HMBOX1: variants seen among roughly 807,000 people sequenced by gnomAD.
HMBOX1 encodes homeobox-containing protein 1.
Under a neutral mutation model 54.5 loss-of-function variants are expected in HMBOX1, and 14 were observed. That is an observed-to-expected ratio of 0.26 (90% CI 0.17 to 0.40). The LOEUF (loss-of-function observed/expected upper bound fraction) is 0.40, where lower values mean the gene tolerates loss of function less well. Among genes scored for constraint, HMBOX1 ranks in the 10% least tolerant of loss-of-function variants. The pLI, the probability that HMBOX1 is intolerant of heterozygous loss-of-function variation, is 1.00. For missense variants in HMBOX1, 332 were observed against 514.4 expected, an observed-to-expected ratio of 0.65 and a Z score of 3.43; for synonymous variants, 160 against 181.0, an observed-to-expected ratio of 0.88 and a Z score of 0.93.
intron 1 of HMBOX1, among the ~76,000 whole-genome samples, chr8:28,945,946 T>G: frequency 6.9e-6 from 1 of 145,638 alleles, no homozygotes; most frequent in South Asian, 2.1e-4. Flanking sequence ...GGCATATTCT[T>G]TTTTTTTTTT....
chr8:28,951,746 C>T (rs1321071186), intron 1 of HMBOX1, among the ~76,000 whole-genome samples: 1 of 152,008 alleles, frequency 6.6e-6, no homozygotes, highest in Non-Finnish European at 1.5e-5. Flanking sequence ...AAATATAGGC[C>T]CAGAGAATTA....
chr8:28,981,634 A>G (rs1300733447), intron 4 of HMBOX1, among the ~76,000 whole-genome samples: 1 of 151,560 alleles, frequency 6.6e-6, no homozygotes, highest in Non-Finnish European at 1.5e-5. Context: ...TTTTTTTTTC[A>G]GGTAGAAGCA....
intron 4 of HMBOX1, among the ~76,000 whole-genome samples, chr8:29,008,457 A>C (rs1189403601): frequency 6.6e-6 from 1 of 152,180 alleles, no homozygotes; most frequent in Non-Finnish European, 1.5e-5. Flanking sequence ...GAGATTTCTT[A>C]AGAGGTCATA....
chr8:28,993,906 C>T (rs1476173578), intron 4 of HMBOX1, among the ~76,000 whole-genome samples: 2 of 152,140 alleles, frequency 1.3e-5, no homozygotes, highest in African/African-American at 2.4e-5. Context: ...TGGTGGCTCA[C>T]ACCTGAAATC....
chr8:29,006,795 A>G lies in HMBOX1; in HGVS notation c.587-2277A>G, dbSNP rs141426561. On this transcript the variant is annotated intron_variant, in intron 4 of 9. Coordinates refer to ENST00000287701, the MANE Select transcript of HMBOX1 (RefSeq NM_001135726.3). ...TCTAGCGAGCTCTGAGGCTTGTTCT[A>G]TGTATGATCTGATTAAGGAAGATTT... Among the ~76,000 whole-genome samples, 13 of 152,242 alleles carry G rather than the reference A, an allele frequency of 8.5e-5. 1 individual carries two copies. In the East Asian group the frequency reaches 1.9e-3, roughly 23 times the overall value.
chr8:28,969,176 AAACAACAAC>A (rs369802182), intron 2 of HMBOX1, among the ~76,000 whole-genome samples: 12 of 152,134 alleles, frequency 7.9e-5, no homozygotes, highest in Non-Finnish European at 1.3e-4. Flanking sequence ...TCTGTATCCA[AAACAACAAC>A]AACAACAACA....
chr8:28,893,106 G>A (rs916769200), intron 1 of HMBOX1, among the ~76,000 whole-genome samples: 5 of 152,124 alleles, frequency 3.3e-5, no homozygotes, highest in African/African-American at 1.2e-4. Context: ...GAAGTGCAAA[G>A]TTATTTACTT....
intron 1 of HMBOX1, among the ~76,000 whole-genome samples, chr8:28,942,339 G>T (rs1162370338): frequency 6.6e-6 from 1 of 152,172 alleles, no homozygotes; most frequent in Non-Finnish European, 1.5e-5. Context: ...ACCAGTTCTA[G>T]TAGTTACTTA....
In HMBOX1 at chr8:28,970,928, CAAG is replaced by C. The variant is rs918550092; in HGVS notation, c.500+412_500+414del. ...TAATTTTTCTGTTCAACATTCCAAT[CAAG>C]AAAATAATTTGGGGTACCTATTATA... On this transcript the variant is annotated intron_variant, in intron 3 of 9. Transcript: ENST00000287701. This position sits in a 1 kb window ranked among gnomAD's most constrained non-coding sequence, Gnocchi z 4.3. Among the ~76,000 whole-genome samples the C allele has an allele frequency of 5.1e-4, 76 of 149,144 alleles. No homozygotes were observed. Among genetic ancestry groups the C allele is most frequent in the East Asian group, 4.8e-3 (24 of 5,002 alleles).
At chr8:29,016,390 T>C (rs1324955587) in intron 5 of HMBOX1, among the ~76,000 whole-genome samples, 1 of 152,212 alleles carries the variant, frequency 6.6e-6, no homozygotes, top group African/African-American at 2.4e-5. Context: ...GGGAAATTTT[T>C]TGCTGCCAAA....
At chr8:29,043,858 A>G (rs867976425) in intron 6 of HMBOX1, among the ~76,000 whole-genome samples, 7 of 152,200 alleles carry the variant, frequency 4.6e-5, no homozygotes, top group South Asian at 2.1e-4. Context: ...AGTGACTTGG[A>G]AAAATCCTCC....
chr8:28,981,440 G>A (rs147091096), intron 4 of HMBOX1, among the ~76,000 whole-genome samples: 1 of 152,320 alleles, frequency 6.6e-6, no homozygotes, highest in Non-Finnish European at 1.5e-5. Context: ...TTAATGCAAT[G>A]TAAGGACAAG....
chr8:28,932,637 C>T (rs1175370625), intron 1 of HMBOX1, among the ~76,000 whole-genome samples: 2 of 152,188 alleles, frequency 1.3e-5, no homozygotes, highest in Admixed American at 1.3e-4. Context: ...TTTATCAGCA[C>T]TCAGTAGTTT....
intron 6 of HMBOX1, among the ~76,000 whole-genome samples, chr8:29,022,246 A>G (rs1019521207): frequency 4.6e-5 from 7 of 151,804 alleles, no homozygotes; most frequent in Non-Finnish European, 8.8e-5. Flanking sequence ...GTGAGACCCC[A>G]TCTCTATAAA....
chr8:28,898,479 G>A (rs1812593933), intron 1 of HMBOX1, among the ~76,000 whole-genome samples: 1 of 152,214 alleles, frequency 6.6e-6, no homozygotes, highest in African/African-American at 2.4e-5. Flanking sequence ...GACAGGCGTT[G>A]TAGGGATTCA....
intron 1 of HMBOX1, among the ~76,000 whole-genome samples, chr8:28,911,947 G>A (rs1396183926): frequency 6.6e-6 from 1 of 152,140 alleles, no homozygotes; most frequent in Admixed American, 6.5e-5. Context: ...TATGCATTCA[G>A]TAAAAACTAT....
intron 4 of HMBOX1, among the ~76,000 whole-genome samples, chr8:28,981,326 A>G (rs1022012679): frequency 1.3e-5 from 2 of 151,986 alleles, no homozygotes; most frequent in African/African-American, 2.4e-5. Flanking sequence ...GTCTTATACC[A>G]AAGGACAGTG....
intron 1 of HMBOX1, 66 bp from the exon 2 acceptor site, chr8:28,963,745 A>G: frequency 4.5e-6 from 3 of 669,554 alleles, no homozygotes; most frequent in Non-Finnish European, 7.5e-6. Context: ...CAGTTACATA[A>G]TTAAAATTTT....
intron 1 of HMBOX1, among the ~76,000 whole-genome samples, chr8:28,931,806 G>T (rs1819516376): frequency 6.6e-6 from 1 of 152,158 alleles, no homozygotes; most frequent in Admixed American, 6.5e-5. Context: ...CTCCCAAAGT[G>T]CTGGGATTAC....
Sources: gnomAD v4.1 joint callset for allele counts (sites outside exome capture counted in the v4.1 genomes callset) on GRCh38, gnomAD v4.1.1 for gene constraint, Gnocchi (gnomAD v3.1) non-coding constraint, MANE v1.5 for transcripts, NCBI Gene and HGNC (gene_info 2026-07-23, HGNC 2026-07-21) for gene names.